LCLAT1: variants seen among roughly 807,000 people sequenced by gnomAD.
LCLAT1 encodes the protein lysocardiolipin acyltransferase 1.
A neutral mutation model predicts 30.7 loss-of-function variants in LCLAT1; 11 were observed. The observed-to-expected ratio is 0.36, with a 90% CI of 0.23 to 0.59. The LOEUF (loss-of-function observed/expected upper bound fraction) is 0.59, where lower values mean the gene tolerates loss of function less well. LCLAT1 is among the 20% of genes least tolerant of loss of function. The probability of loss-of-function intolerance (pLI) is 0.77; values close to 1 mark genes in which losing one functional copy is unlikely to be tolerated. For synonymous variants in LCLAT1, 155 were observed against 151.3 expected (o/e 1.02, Z -0.18); for missense variants, 402 against 458.6 (o/e 0.88, Z 1.13).
intron 5 of LCLAT1, among the ~76,000 whole-genome samples, chr2:30,594,432 TGATTA>T (rs1313033815): frequency 1.3e-5 from 2 of 152,208 alleles, no homozygotes; most frequent in Non-Finnish European, 2.9e-5. Context: ...GTTAGAGAAT[TGATTA>T]GATGAGTGTG....
chr2:30,491,907 G>A (rs1041191002), intron 1 of LCLAT1, among the ~76,000 whole-genome samples: 1 of 152,162 alleles, frequency 6.6e-6, no homozygotes, highest in Non-Finnish European at 1.5e-5. Flanking sequence ...GGAATTTGCT[G>A]TTGGATTTAC....
intron 5 of LCLAT1, among the ~76,000 whole-genome samples, chr2:30,579,013 ATATT>A (rs1666107173): frequency 6.6e-6 from 1 of 152,116 alleles, no homozygotes; most frequent in African/African-American, 2.4e-5. Flanking sequence ...TCATTCATTC[ATATT>A]TATTTTTTAT....
Position 30,525,619 on chromosome 2 carries a change from T to C in LCLAT1, c.29T>C (p.Ile10Thr), listed in dbSNP as rs766221377. 9 of 1,613,986 alleles carry C rather than the reference T, an allele frequency of 5.6e-6. No homozygotes were observed. The highest frequency in any genetic ancestry group is 7.6e-6 in the Non-Finnish European group (9 of 1,179,806). The change falls in exon 2 of 6, where the codon ATA becomes ACA. Residue 10 changes from isoleucine (I) to threonine (T), a missense_variant. Coordinates refer to ENST00000379509, the MANE Select transcript of LCLAT1 (RefSeq NM_001002257.3). MVSWKGIYFILTLFWGSFFG... is the reference protein window; with the variant it reads MVSWKGIYFTLTLFWGSFFG... Reference sequence around the variant, plus strand: ...GTGTCATGGAAAGGGATTTACTTTATACTGACTCTGTTTTGGGGAAGCTTT... The same window carrying C: ...GTGTCATGGAAAGGGATTTACTTTACACTGACTCTGTTTTGGGGAAGCTTT...
intron 3 of LCLAT1, among the ~76,000 whole-genome samples, chr2:30,560,231 A>G (rs1380784138): frequency 1.3e-5 from 2 of 152,098 alleles, no homozygotes; most frequent in African/African-American, 2.4e-5. Flanking sequence ...GCTTATTTAT[A>G]TATGTAAAAT....
chr2:30,613,038 T>C (rs923849136), intron 5 of LCLAT1, among the ~76,000 whole-genome samples: 2 of 152,076 alleles, frequency 1.3e-5, no homozygotes, highest in African/African-American at 4.8e-5. Flanking sequence ...AAAGAGGAAT[T>C]TGGGGGAAGA....
At chr2:30,577,343 C>T (rs1295692624) in intron 5 of LCLAT1, among the ~76,000 whole-genome samples, 2 of 152,008 alleles carry the variant, frequency 1.3e-5, no homozygotes, top group Non-Finnish European at 2.9e-5. Context: ...GAGAGTAAAG[C>T]TTAAGTGTTC....
At chr2:30,574,876 G>A (rs531614428) in intron 5 of LCLAT1, among the ~76,000 whole-genome samples, 1 of 152,178 alleles carries the variant, frequency 6.6e-6, no homozygotes, top group Non-Finnish European at 1.5e-5. Context: ...TGAATGGAAG[G>A]CCTCCTTCAA....
intron 3 of LCLAT1, among the ~76,000 whole-genome samples, chr2:30,553,608 G>T (rs1290644827): frequency 1.3e-5 from 2 of 152,044 alleles, no homozygotes; most frequent in African/African-American, 4.8e-5. Context: ...GAGGTCAGGA[G>T]ATCGAGACCA....
chr2:30,633,434 A>G (rs1378606868), intron 5 of LCLAT1, among the ~76,000 whole-genome samples: 1 of 152,210 alleles, frequency 6.6e-6, no homozygotes, highest in Non-Finnish European at 1.5e-5. Flanking sequence ...CACGCCTGTA[A>G]TCTCAGCACT....
chr2:30,453,923 T>C (rs1681689710), intron 1 of LCLAT1, among the ~76,000 whole-genome samples: 1 of 152,174 alleles, frequency 6.6e-6, no homozygotes, highest in Non-Finnish European at 1.5e-5. Context: ...TTATCCTCAT[T>C]TTACTTATGA....
intron 5 of LCLAT1, among the ~76,000 whole-genome samples, chr2:30,625,812 G>C (rs1458561108): frequency 6.6e-6 from 1 of 152,164 alleles, no homozygotes; most frequent in Non-Finnish European, 1.5e-5. Context: ...TAGCATAGTG[G>C]AAAGGCTTTA....
chr2:30,593,292 T>A (rs980089380), intron 5 of LCLAT1, among the ~76,000 whole-genome samples: 8 of 151,562 alleles, frequency 5.3e-5, no homozygotes, highest in African/African-American at 1.9e-4. Flanking sequence ...GGAATACATT[T>A]TCTTTTCCCA....
At chr2:30,599,424 G>C (rs114215774) in intron 5 of LCLAT1, among the ~76,000 whole-genome samples, 1 of 152,192 alleles carries the variant, frequency 6.6e-6, no homozygotes, top group African/African-American at 2.4e-5. Context: ...GCCATGTGGC[G>C]CTGAGAAGAA....
intron 5 of LCLAT1, among the ~76,000 whole-genome samples, chr2:30,576,285 AC>A (rs1459427828): frequency 6.6e-6 from 1 of 152,154 alleles, no homozygotes. Context: ...GGTAGACTTT[AC>A]ACTGACCATA....
At chr2:30,498,691 T>A (rs1684229740) in intron 1 of LCLAT1, among the ~76,000 whole-genome samples, 1 of 152,220 alleles carries the variant, frequency 6.6e-6, no homozygotes, top group Non-Finnish European at 1.5e-5. Flanking sequence ...GAGCTCACTT[T>A]CTGCAGCTGT....
intron 1 of LCLAT1, among the ~76,000 whole-genome samples, chr2:30,473,320 T>C (rs1490786582): frequency 6.6e-6 from 1 of 152,134 alleles, no homozygotes; most frequent in Non-Finnish European, 1.5e-5. Context: ...ATGCTTCTTA[T>C]AGTAAAAGGA....
chr2:30,595,305 CTT>C (rs1210716276), intron 5 of LCLAT1, among the ~76,000 whole-genome samples: 1 of 152,092 alleles, frequency 6.6e-6, no homozygotes, highest in Non-Finnish European at 1.5e-5. Context: ...GGTCTGCCCT[CTT>C]TTTGATTTTT....
intron 5 of LCLAT1, among the ~76,000 whole-genome samples, chr2:30,627,486 C>T (rs1415573366): frequency 6.6e-6 from 1 of 152,072 alleles, no homozygotes; most frequent in Non-Finnish European, 1.5e-5. Context: ...GCTAGCTGCC[C>T]GTACTTAGAC....
At chr2:30,492,671 C>T (rs1683892888) in intron 1 of LCLAT1, among the ~76,000 whole-genome samples, 1 of 151,616 alleles carries the variant, frequency 6.6e-6, no homozygotes, top group South Asian at 2.1e-4. Context: ...ATGTTCTTAA[C>T]CTAAAATGCT....
Sources: gnomAD v4.1 joint callset for allele counts (sites outside exome capture counted in the v4.1 genomes callset) on GRCh38, gnomAD v4.1.1 for gene constraint, MANE v1.5 for transcripts, NCBI Gene and HGNC (gene_info 2026-07-23, HGNC 2026-07-21) for gene names.